WASF3: variants seen among roughly 807,000 people sequenced by gnomAD.
WASF3 encodes the protein WASP family member 3, also known as actin-binding protein WASF3.
Under a neutral mutation model 46.6 loss-of-function variants are expected in WASF3, and 11 were observed. The observed-to-expected ratio is 0.24, with a 90% CI of 0.15 to 0.39. The LOEUF (loss-of-function observed/expected upper bound fraction) is 0.39, where lower values mean the gene tolerates loss of function less well. Ranked by LOEUF, WASF3 falls within the 10% of genes least tolerant of loss-of-function variation. The pLI is 1.00. For synonymous variants in WASF3, 242 were observed against 259.7 expected, an observed-to-expected ratio of 0.93 and a Z score of 0.65; for missense variants, 576 against 669.8, an observed-to-expected ratio of 0.86 and a Z score of 1.55.
the WASF3 span, among the ~76,000 whole-genome samples, chr13:26,540,377 C>T: frequency 2.0e-5 from 3 of 152,122 alleles, no homozygotes; most frequent in Non-Finnish European, 2.9e-5. Flanking sequence ...TCCTGGAGAC[C>T]CTGGCAGGAA....
chr13:26,673,375 A>G (rs1362833779), intron 6 of WASF3, among the ~76,000 whole-genome samples: 1 of 152,130 alleles, frequency 6.6e-6, no homozygotes, highest in Non-Finnish European at 1.5e-5. Context: ...TCTTTCATTC[A>G]CTTATATAAT....
At chr13:26,600,519 G>T (rs1051789105) in intron 1 of WASF3, among the ~76,000 whole-genome samples, 1 of 152,066 alleles carries the variant, frequency 6.6e-6, no homozygotes, top group Non-Finnish European at 1.5e-5. Context: ...TTCCTTTCTG[G>T]TTGCTCTCAT....
intron 1 of WASF3, among the ~76,000 whole-genome samples, chr13:26,565,307 AAG>A (rs1879430452): frequency 6.6e-6 from 1 of 152,122 alleles, no homozygotes; most frequent in Non-Finnish European, 1.5e-5. Flanking sequence ...AAAGATGGTA[AAG>A]AGAGAGGGGG....
At position 26,575,033 on chromosome 13, in the gene WASF3, A is replaced by T. The variant is rs985181426; in HGVS notation, c.-109+17214A>T. Reference sequence around the variant, plus strand: ...TTGTATTTTTACTAGAGACGGGGTTACACTGTGTTAGCCAGGATGGTCTCG... The same window carrying T: ...TTGTATTTTTACTAGAGACGGGGTTTCACTGTGTTAGCCAGGATGGTCTCG... On this transcript the variant is annotated intron_variant, in intron 1 of 9. Transcript: ENST00000335327. 2.4e-4 allele frequency among the ~76,000 whole-genome samples: 36 copies of T among 152,024 alleles called. No homozygotes were observed. In the South Asian group the frequency reaches 2.9e-3, roughly 12 times the overall value.
chr13:26,543,095 T>C, the WASF3 span, among the ~76,000 whole-genome samples: 1 of 152,206 alleles, frequency 6.6e-6, no homozygotes, highest in Non-Finnish European at 1.5e-5. Flanking sequence ...GGTCAAGCCC[T>C]GCTTCTTTAA....
chr13:26,630,326 C>G (rs1228178134), intron 2 of WASF3, among the ~76,000 whole-genome samples: 1 of 152,128 alleles, frequency 6.6e-6, no homozygotes, highest in African/African-American at 2.4e-5. Flanking sequence ...CAACCCCCAA[C>G]AGGCCCTGGT....
At chr13:26,620,873 G>A (rs1881284232) in intron 2 of WASF3, among the ~76,000 whole-genome samples, 1 of 152,128 alleles carries the variant, frequency 6.6e-6, no homozygotes. Context: ...TCTAAAAATA[G>A]GTACTTGACA....
chr13:26,604,877 C>G (rs1362909928), intron 1 of WASF3, among the ~76,000 whole-genome samples: 1 of 152,174 alleles, frequency 6.6e-6, no homozygotes, highest in East Asian at 1.9e-4. Flanking sequence ...GCCAAAAGAT[C>G]AGCCAAGGAC....
At chr13:26,603,080 T>G (rs1306030887) in intron 1 of WASF3, among the ~76,000 whole-genome samples, 1 of 152,174 alleles carries the variant, frequency 6.6e-6, no homozygotes, top group Non-Finnish European at 1.5e-5. Flanking sequence ...TAAGAGTAAC[T>G]GCTGTTGGTA....
chr13:26,573,530 A>G (rs976905129), intron 1 of WASF3, among the ~76,000 whole-genome samples: 6 of 151,434 alleles, frequency 4.0e-5, no homozygotes, highest in African/African-American at 1.5e-4. Flanking sequence ...TGTTCTATGG[A>G]CTCTGATGTA....
Position 26,667,501 on chromosome 13 carries a change from G to A in WASF3, c.269-16G>A. On this transcript the variant is annotated splice_polypyrimidine_tract_variant and intron_variant, in intron 4 of 9. Coordinates refer to ENST00000335327, the MANE Select transcript of WASF3 (RefSeq NM_006646.6). ...TATTTCTATATAACTCAACTTGGGG[G>A]ATTTTCTCTAAATAGTCTCACTACA... The A allele has an allele frequency of 1.3e-6, 2 of 1,598,614 alleles. No homozygotes were observed. Among genetic ancestry groups the A allele is most frequent in the Non-Finnish European group, 1.7e-6 (2 of 1,173,686 alleles).
chr13:26,683,726 T>C (rs914277953), intron 9 of WASF3, among the ~76,000 whole-genome samples: 1 of 152,008 alleles, frequency 6.6e-6, no homozygotes, highest in Non-Finnish European at 1.5e-5. Flanking sequence ...TTCAACAGCA[T>C]AACCCTTTTG....
chr13:26,677,644 G>A (rs1413246004), intron 7 of WASF3, among the ~76,000 whole-genome samples: 1 of 152,138 alleles, frequency 6.6e-6, no homozygotes, highest in African/African-American at 2.4e-5. Flanking sequence ...AGGATGTGAG[G>A]CAAGTTCTGG....
upstream of WASF3, among the ~76,000 whole-genome samples, chr13:26,554,558 A>T (rs1013757003): frequency 2.0e-5 from 3 of 152,206 alleles, no homozygotes; most frequent in African/African-American, 7.2e-5. Context: ...TGCTTAAAAA[A>T]TTTTAAGAAA....
chr13:26,582,450 C>T (rs774205215), intron 1 of WASF3, among the ~76,000 whole-genome samples: 69 of 152,036 alleles, frequency 4.5e-4, no homozygotes, highest in Non-Finnish European at 8.5e-4. Context: ...CCGAGGTGGG[C>T]GGATTGCCTG....
chr13:26,546,273 A>T, the WASF3 span, among the ~76,000 whole-genome samples: 1 of 152,224 alleles, frequency 6.6e-6, no homozygotes, highest in Non-Finnish European at 1.5e-5. Context: ...CTCAGATAAA[A>T]GCAGGTGTTA....
In WASF3 at chr13:26,688,628, C is replaced by T. The variant is rs1883483869; in HGVS notation, c.*2783C>T. ...TTTTCATCTCAGTAAGTTTTTAGAA[C>T]ATCAAAATGTTTTCTGAGCTCCAAG... On this transcript the variant is annotated 3_prime_UTR_variant, in exon 10 of 10. Coordinates refer to ENST00000335327, the MANE Select transcript of WASF3 (RefSeq NM_006646.6). 6.6e-6 allele frequency: 1 copy of T among 152,196 alleles called. No individual in the cohort carries two copies. Among genetic ancestry groups the T allele is most frequent in the African/African-American group, 2.4e-5 (1 of 41,436 alleles). The allele number at this position is 152,196 out of a possible 1,614,324, so 9.4% of individuals were successfully genotyped here.
At chr13:26,566,723 A>T (rs144552237) in intron 1 of WASF3, among the ~76,000 whole-genome samples, 136 of 152,296 alleles carry the variant, frequency 8.9e-4, no homozygotes, top group African/African-American at 3.2e-3. Context: ...ACCAGCACAC[A>T]TTGCTTCTCA....
chr13:26,669,794 A>G (rs1882878289), intron 5 of WASF3, among the ~76,000 whole-genome samples: 1 of 152,180 alleles, frequency 6.6e-6, no homozygotes, highest in Non-Finnish European at 1.5e-5. Context: ...GATCACAGGC[A>G]TCAGCCACCA....
Sources: allele counts gnomAD v4.1 joint callset (sites outside exome capture counted in the v4.1 genomes callset), GRCh38; gene constraint gnomAD v4.1.1; transcripts MANE v1.5; gene names NCBI Gene and HGNC (gene_info 2026-07-23, HGNC 2026-07-21).